The following GRM7 variants were observed in gnomAD, a reference collection of about 807,000 sequenced individuals.
The protein encoded by GRM7 is metabotropic glutamate receptor 7.
GRM7 carries 35 observed loss-of-function variants against 84.5 expected under a neutral mutation model. That is an observed-to-expected ratio of 0.41 (90% CI 0.32 to 0.55). GRM7 has a LOEUF of 0.55. Ranked by LOEUF, GRM7 falls within the 20% of genes least tolerant of loss-of-function variation. GRM7 has a pLI of 0.19. For missense variants in GRM7, 1,003 were observed against 1,194.6 expected (o/e 0.84, Z 2.36); for synonymous variants, 487 against 455.1 (o/e 1.07, Z -0.89).
intron 9 of GRM7, among the ~76,000 whole-genome samples, chr3:7,713,389 C>G (rs1701660373): frequency 1.3e-5 from 2 of 152,022 alleles, no homozygotes; most frequent in Admixed American, 1.3e-4. Context: ...CCACCCGCCT[C>G]AGTCTCCCAA....
chr3:7,543,551 C>T (rs186272996), intron 7 of GRM7, among the ~76,000 whole-genome samples: 89 of 152,328 alleles, frequency 5.8e-4, no homozygotes, highest in Middle Eastern at 3.4e-3. Flanking sequence ...AATTCTGCCA[C>T]CAGGCTGCAG....
intron 2 of GRM7, among the ~76,000 whole-genome samples, chr3:7,228,643 C>A (rs979639940): frequency 5.3e-5 from 8 of 152,080 alleles, no homozygotes; most frequent in Non-Finnish European, 7.4e-5. Context: ...CTGTGACAGT[C>A]CTACTAACAA....
intron 2 of GRM7, among the ~76,000 whole-genome samples, chr3:7,198,230 G>A (rs1269917979): frequency 1.3e-5 from 2 of 151,848 alleles, no homozygotes; most frequent in Non-Finnish European, 2.9e-5. Context: ...GGCTATATAT[G>A]CAACAGCACA....
intron 1 of GRM7, among the ~76,000 whole-genome samples, chr3:7,076,825 C>G (rs937708321): frequency 6.6e-6 from 1 of 152,108 alleles, no homozygotes; most frequent in Non-Finnish European, 1.5e-5. Flanking sequence ...TTATTGCAAT[C>G]TATCCATCTG....
intron 4 of GRM7, among the ~76,000 whole-genome samples, chr3:7,409,702 G>A (rs1469036491): frequency 6.6e-6 from 1 of 152,138 alleles, no homozygotes; most frequent in East Asian, 1.9e-4. Context: ...CTGGGTTCAA[G>A]CAGTTCTCCT....
At chr3:7,667,602 T>A (rs1286728316) in intron 8 of GRM7, among the ~76,000 whole-genome samples, 1 of 152,164 alleles carries the variant, frequency 6.6e-6, no homozygotes, top group African/African-American at 2.4e-5. Context: ...GATGAAGCAA[T>A]AGAACATTTT....
chr3:7,644,140 A>G lies in GRM7; in HGVS notation c.2452-35909A>G, dbSNP rs545850028. Among the ~76,000 whole-genome samples, 349 of 121,122 alleles carry G rather than the reference A, an allele frequency of 2.9e-3. 3 individuals are homozygous for G. The highest frequency in any genetic ancestry group is 8.5e-3 in the African/African-American group (276 of 32,364). 79.5% of individuals were successfully genotyped at this position (121,122 alleles called of 152,430 possible). A position where few individuals can be genotyped will look rare whatever the true frequency, so the allele number is the denominator to read the frequency against. ...GCATGTTGTGTGTGTGTGTGTGTAT[A>G]TATATGTCTGTACGTATATATATAT... On this transcript the variant is annotated intron_variant, in intron 8 of 9. Transcript: ENST00000357716.
intron 6 of GRM7, among the ~76,000 whole-genome samples, chr3:7,456,450 C>T (rs867216206): frequency 2.9e-4 from 42 of 146,598 alleles, no homozygotes; most frequent in South Asian, 6.5e-4. Flanking sequence ...TTTTTTTTTC[C>T]TTTTTTTTTT....
At chr3:6,875,913 C>G (rs1340009437) in intron 1 of GRM7, among the ~76,000 whole-genome samples, 1 of 151,930 alleles carries the variant, frequency 6.6e-6, no homozygotes, top group African/African-American at 2.4e-5. Context: ...AGGGTTTAAT[C>G]TCAATTTGTT....
At chr3:7,407,071 ATGT>A (rs1305978221) in intron 4 of GRM7, among the ~76,000 whole-genome samples, 2 of 152,212 alleles carry the variant, frequency 1.3e-5, no homozygotes, top group African/African-American at 2.4e-5. Context: ...CCTGGAAGTA[ATGT>A]TGTAATACCT....
At chr3:7,009,012 C>T (rs1030225324) in intron 1 of GRM7, among the ~76,000 whole-genome samples, 43 of 152,084 alleles carry the variant, frequency 2.8e-4, no homozygotes, top group African/African-American at 8.7e-4. Context: ...CGAAAAGTTG[C>T]CTCTTTATGA....
chr3:7,547,433 C>T (rs1693218922), intron 7 of GRM7, among the ~76,000 whole-genome samples: 1 of 152,028 alleles, frequency 6.6e-6, no homozygotes, highest in African/African-American at 2.4e-5. Context: ...GTCTCGATCT[C>T]CTGACCTCGT....
At chr3:7,320,681 AGTGTGTGTGTGTGT>A (rs56313913) in intron 4 of GRM7, among the ~76,000 whole-genome samples, 14 of 141,154 alleles carry the variant, frequency 9.9e-5, no homozygotes, top group South Asian at 2.4e-4. Context: ...GTGGGTGATC[AGTGTGTGTGTGTGT>A]GTGTGTGTGT....
intron 1 of GRM7, chr3:6,956,563 C>T (rs1284975287): frequency 2.2e-6 from 1 of 456,632 alleles, no homozygotes; most frequent in Admixed American, 2.3e-5. Context: ...TTCTGTTCTC[C>T]TAGGGAGATG....
At chr3:7,464,065 G>A (rs1698362215) in intron 7 of GRM7, among the ~76,000 whole-genome samples, 1 of 152,108 alleles carries the variant, frequency 6.6e-6, no homozygotes, top group African/African-American at 2.4e-5. Flanking sequence ...CCATCTGGAG[G>A]GCTTGTAACA....
intron 2 of GRM7, among the ~76,000 whole-genome samples, chr3:7,234,226 G>A (rs1247352534): frequency 6.6e-6 from 1 of 152,124 alleles, no homozygotes; most frequent in Non-Finnish European, 1.5e-5. Context: ...AACCAAATTT[G>A]ACCTTTTAAT....
At chr3:7,525,035 T>C (rs1414076364) in intron 7 of GRM7, among the ~76,000 whole-genome samples, 12 of 150,276 alleles carry the variant, frequency 8.0e-5, no homozygotes, top group Admixed American at 2.7e-4. Context: ...AAACACCACA[T>C]GTTCTCACTC....
intron 1 of GRM7, among the ~76,000 whole-genome samples, chr3:6,888,975 T>A (rs1171078088): frequency 6.6e-6 from 1 of 152,104 alleles, no homozygotes; most frequent in African/African-American, 2.4e-5. Flanking sequence ...TCCTAGGTAT[T>A]TTATTCTCTT....
intron 1 of GRM7, among the ~76,000 whole-genome samples, chr3:7,068,241 A>T (rs1697738427): frequency 6.7e-6 from 1 of 148,564 alleles, no homozygotes; most frequent in Non-Finnish European, 1.5e-5. Flanking sequence ...GAGCAAAGGA[A>T]AAATGATAGC....
Sources: gnomAD v4.1 joint callset for allele counts (sites outside exome capture counted in the v4.1 genomes callset) on GRCh38, gnomAD v4.1.1 for gene constraint, MANE v1.5 for transcripts, NCBI Gene and HGNC (gene_info 2026-07-23, HGNC 2026-07-21) for gene names.